Variants in TM9SF2 observed in about 807,000 individuals in gnomAD.
The protein encoded by TM9SF2 is transmembrane 9 superfamily member 2.
In TM9SF2, 13 loss-of-function variants were observed where a neutral mutation model predicts 84.9. The ratio of observed to expected loss-of-function variants is 0.15; its 90% CI spans 0.10 to 0.24. The LOEUF (loss-of-function observed/expected upper bound fraction) is 0.24, where lower values mean the gene tolerates loss of function less well. Among genes scored for constraint, TM9SF2 ranks in the 10% least tolerant of loss-of-function variants. The probability of loss-of-function intolerance (pLI) is 1.00; values close to 1 mark genes in which losing one functional copy is unlikely to be tolerated. For synonymous variants in TM9SF2, 273 were observed against 285.8 expected (o/e 0.96, Z 0.45); for missense variants, 562 against 818.5 (o/e 0.69, Z 3.82).
chr13:99,506,469 T>C (rs80306924), intron 1 of TM9SF2, among the ~76,000 whole-genome samples: 2,760 of 152,316 alleles, frequency 0.018, 52 homozygotes, highest in Non-Finnish European at 0.028. Flanking sequence ...ACTTTGACTA[T>C]GGTAAATATA....
intron 1 of TM9SF2, among the ~76,000 whole-genome samples, chr13:99,513,384 A>G (rs2046121410): frequency 6.6e-6 from 1 of 152,190 alleles, no homozygotes; most frequent in Admixed American, 6.5e-5. Context: ...AATGAGAATA[A>G]TGTTTTCCCT....
At chr13:99,532,482 G>T (rs1371973758) in intron 4 of TM9SF2, among the ~76,000 whole-genome samples, 1 of 152,088 alleles carries the variant, frequency 6.6e-6, no homozygotes, top group Non-Finnish European at 1.5e-5. Context: ...CTGAGGCCAG[G>T]AGTTCGAGAC....
intron 16 of TM9SF2, among the ~76,000 whole-genome samples, chr13:99,561,545 G>C (rs932396028): frequency 6.6e-6 from 1 of 152,132 alleles, no homozygotes; most frequent in Non-Finnish European, 1.5e-5. Context: ...TATGCAAAAG[G>C]TATATTTGTA....
intron 15 of TM9SF2, among the ~76,000 whole-genome samples, chr13:99,556,648 A>G (rs1410373810): frequency 6.7e-6 from 1 of 150,342 alleles, no homozygotes; most frequent in Non-Finnish European, 1.5e-5. Flanking sequence ...CAGTGGTGCA[A>G]TCTCAGCTCA....
Position 99,511,299 on chromosome 13 carries a change from T to C in TM9SF2, c.172-6315T>C, listed in dbSNP as rs8001850. Among the ~76,000 whole-genome samples the C allele has an allele frequency of 9.9e-3, 1,511 of 152,290 alleles. 26 individuals are homozygous for C. The highest frequency in any genetic ancestry group is 0.035 in the African/African-American group (1,464 of 41,552). On this transcript the variant is annotated intron_variant, in intron 1 of 16. Coordinates refer to ENST00000376387, the MANE Select transcript of TM9SF2 (RefSeq NM_004800.3). ...GTCTTATTTGTGTGTATTTATGTTT[T>C]ATAGGGGTGAATGTCATGACATCTG...
At chr13:99,512,003 T>G (rs1401319282) in intron 1 of TM9SF2, among the ~76,000 whole-genome samples, 1 of 152,190 alleles carries the variant, frequency 6.6e-6, no homozygotes, top group African/African-American at 2.4e-5. Flanking sequence ...TTCCCTAGAC[T>G]AGTGGCCAGG....
chr13:99,547,210 C>T, intron 11 of TM9SF2, 106 bp downstream of exon 11: 5 of 1,501,306 alleles, frequency 3.3e-6, no homozygotes, highest in Non-Finnish European at 4.5e-6. Flanking sequence ...TAGTGTGCCT[C>T]ATAGGGGTCT....
intron 1 of TM9SF2, among the ~76,000 whole-genome samples, chr13:99,510,620 A>G (rs2046109765): frequency 6.6e-6 from 1 of 152,158 alleles, no homozygotes; most frequent in Admixed American, 6.5e-5. Flanking sequence ...CTTTACAAAC[A>G]ACCAGATCTC....
chr13:99,519,834 A>AT (rs1274315291), intron 2 of TM9SF2, among the ~76,000 whole-genome samples: 1 of 152,204 alleles, frequency 6.6e-6, no homozygotes, highest in Non-Finnish European at 1.5e-5. Context: ...TTAGAAAAAA[A>AT]TATTCGAAGG....
intron 12 of TM9SF2, 24 bp from the exon 13 acceptor site, chr13:99,552,143 C>T: frequency 1.2e-6 from 2 of 1,603,256 alleles, no homozygotes; most frequent in Non-Finnish European, 8.5e-7. Context: ...CTGGTTTTAC[C>T]CAAAAGCCTG....
At chr13:99,535,798 G>A (rs1409476963) in intron 4 of TM9SF2, among the ~76,000 whole-genome samples, 2 of 152,036 alleles carry the variant, frequency 1.3e-5, no homozygotes, top group African/African-American at 2.4e-5. Context: ...TTTGTATCCC[G>A]CAGTGTACTC....
chr13:99,555,005 G>A (rs1290561695), intron 14 of TM9SF2, among the ~76,000 whole-genome samples: 1 of 152,122 alleles, frequency 6.6e-6, no homozygotes, highest in African/African-American at 2.4e-5. Flanking sequence ...GCCATTCTGT[G>A]TGTGTGTATA....
intron 14 of TM9SF2, 31 bp downstream of exon 14, chr13:99,554,486 A>G (rs774949969): frequency 6.2e-7 from 1 of 1,602,286 alleles, no homozygotes; most frequent in East Asian, 2.2e-5. Context: ...TCTCATTCTC[A>G]TTACCATTAT....
At chr13:99,542,611 C>G (rs969359145) in intron 9 of TM9SF2, among the ~76,000 whole-genome samples, 3 of 152,004 alleles carry the variant, frequency 2.0e-5, no homozygotes, top group African/African-American at 7.3e-5. Flanking sequence ...TGTCCCCCAA[C>G]CTCTCTGACC....
chr13:99,525,282 T>G (rs948835053), intron 3 of TM9SF2, among the ~76,000 whole-genome samples: 2 of 152,202 alleles, frequency 1.3e-5, no homozygotes, highest in Admixed American at 1.3e-4. Flanking sequence ...TACTCTGTTG[T>G]CCAGGCTTGA....
intron 1 of TM9SF2, among the ~76,000 whole-genome samples, chr13:99,515,209 A>T (rs553587707): frequency 6.6e-6 from 1 of 152,372 alleles, no homozygotes; most frequent in East Asian, 1.9e-4. Context: ...CCTAGAAGGA[A>T]ATCGAGAGAT....
rs2046241429 is a variant in TM9SF2 at position 99,537,919 on chromosome 13, A to G, written c.716+56A>G. 4.5e-6 allele frequency: 7 copies of G among 1,552,426 alleles called. No homozygotes were observed. The South Asian group carries it at 8.6e-5, about 19-fold the overall frequency. ...GTATAAGTGAAATTTAGACCCAAAGAATAAGTATTTGGGGCTCAATTACTC... is the reference window on the plus strand; with the variant it reads ...GTATAAGTGAAATTTAGACCCAAAGGATAAGTATTTGGGGCTCAATTACTC... On this transcript the variant is annotated intron_variant, in intron 6 of 16. Coordinates refer to ENST00000376387, the MANE Select transcript of TM9SF2 (RefSeq NM_004800.3).
At position 99,552,076 on chromosome 13, in the gene TM9SF2, A is replaced by G. The variant is rs941659097; in HGVS notation, c.1329-91A>G. The G allele has an allele frequency of 2.3e-5, 28 of 1,231,164 alleles. No homozygotes were observed. The African/African-American group carries it at 2.9e-4, about 13-fold the overall frequency. 76.3% of individuals were successfully genotyped at this position (1,231,164 alleles called of 1,614,324 possible). A position where few individuals can be genotyped will look rare whatever the true frequency, so the allele number is the denominator to read the frequency against. ...AATTCCACTTTCTTTGTATATATATATTAGAAACATAGAAGTTGTCATATT... is the reference window on the plus strand; with the variant it reads ...AATTCCACTTTCTTTGTATATATATGTTAGAAACATAGAAGTTGTCATATT... On this transcript the variant is annotated intron_variant, in intron 12 of 16. Transcript: ENST00000376387.
chr13:99,539,607 G>A (rs373777112), intron 7 of TM9SF2, 50 bp downstream of exon 7: 10 of 1,197,782 alleles, frequency 8.3e-6, no homozygotes, highest in African/African-American at 6.0e-5. Flanking sequence ...TTTTAAATTT[G>A]TACTACTTAA....
Sources: allele counts gnomAD v4.1 joint callset (sites outside exome capture counted in the v4.1 genomes callset), GRCh38; gene constraint gnomAD v4.1.1; transcripts MANE v1.5; gene names NCBI Gene and HGNC (gene_info 2026-07-23, HGNC 2026-07-21).